NCOA1: variants seen among roughly 807,000 people sequenced by gnomAD.
NCOA1 encodes the protein Hin-2 protein.
Under a neutral mutation model 150.9 loss-of-function variants are expected in NCOA1, and 35 were observed. The ratio of observed to expected loss-of-function variants is 0.23; its 90% CI spans 0.18 to 0.31. The LOEUF is 0.31. Ranked by LOEUF, NCOA1 falls within the 10% of genes least tolerant of loss-of-function variation. The pLI is 1.00. For synonymous variants in NCOA1, 590 were observed against 630.0 expected (o/e 0.94, Z 0.95); for missense variants, 1,491 against 1,749.3 (o/e 0.85, Z 2.63).
At chr2:24,672,684 A>G (rs1313225411) in intron 6 of NCOA1, among the ~76,000 whole-genome samples, 1 of 152,192 alleles carries the variant, frequency 6.6e-6, no homozygotes, top group Non-Finnish European at 1.5e-5. Context: ...GGCTTGGGGC[A>G]CTGCACCCAA....
At chr2:24,678,100 A>T (rs1345788095) in intron 7 of NCOA1, among the ~76,000 whole-genome samples, 1 of 151,876 alleles carries the variant, frequency 6.6e-6, no homozygotes, top group Non-Finnish European at 1.5e-5. Context: ...ATGTGTTCTC[A>T]TTGTTCAGCT....
chr2:24,757,506 AAG>A (rs776267003), intron 20 of NCOA1, among the ~76,000 whole-genome samples: 3 of 152,178 alleles, frequency 2.0e-5, no homozygotes, highest in Non-Finnish European at 4.4e-5. Context: ...TATTAAGTCT[AAG>A]AGGCTCTACA....
At chr2:24,706,219 A>G (rs1035302055) in intron 12 of NCOA1, among the ~76,000 whole-genome samples, 10 of 152,126 alleles carry the variant, frequency 6.6e-5, no homozygotes, top group East Asian at 5.8e-4. Flanking sequence ...TTAATTGTGT[A>G]TATTAGGCTT....
chr2:24,497,261 T>A (rs1663259219), intron 1 of NCOA1, among the ~76,000 whole-genome samples: 1 of 152,208 alleles, frequency 6.6e-6, no homozygotes, highest in Non-Finnish European at 1.5e-5. Flanking sequence ...ATTATACTTT[T>A]TTTTTTTTCT....
intron 3 of NCOA1, among the ~76,000 whole-genome samples, chr2:24,584,920 AT>A (rs1227586370): frequency 6.6e-6 from 1 of 152,210 alleles, no homozygotes; most frequent in African/African-American, 2.4e-5. Context: ...TGATATTGAT[AT>A]TTTACATTGA....
chr2:24,611,033 G>T (rs1258005707), intron 3 of NCOA1, among the ~76,000 whole-genome samples: 1 of 152,114 alleles, frequency 6.6e-6, no homozygotes, highest in Non-Finnish European at 1.5e-5. Flanking sequence ...GAGGTTTGGG[G>T]TGTGAATGAC....
intron 1 of NCOA1, among the ~76,000 whole-genome samples, chr2:24,510,062 T>A (rs530813341): frequency 2.9e-3 from 435 of 152,326 alleles, no homozygotes; most frequent in Non-Finnish European, 4.8e-3. Flanking sequence ...CTGTGCACTT[T>A]TTTTGAGACG....
chr2:24,561,531 G>A lies in NCOA1; in HGVS notation c.-395-2764G>A, dbSNP rs189404662. On this transcript the variant is annotated intron_variant, in intron 1 of 22. Transcript: ENST00000348332. ...AGTTTGGAAAATTGTGAAGGACAAG[G>A]TTTCATGAATCTGGCTCCAGATAGA... Among the ~76,000 whole-genome samples the A allele has an allele frequency of 8.6e-3, 1,306 of 152,274 alleles. 9 individuals carry two copies. The highest frequency in any genetic ancestry group is 0.012 in the Non-Finnish European group (821 of 67,996).
Position 24,707,305 on chromosome 2 carries a change from T to A in NCOA1, c.1835T>A (p.Leu612His). ...SSDGKPLDSG[L>H]LHNNDRLSDG... ...GATGGCAAACCTCTGGATTCAGGGC[T>A]TCTGCATAACAATGACAGACTTTCA... The change falls in exon 13 of 23, where the codon CTT becomes CAT. Residue 612 changes from leucine to histidine, a missense_variant. Around this residue, in one of 8 missense-constraint regions of NCOA1, gnomAD observed 703 missense variants for 717.7 expected, o/e 0.98. Coordinates refer to ENST00000348332, the MANE Select transcript of NCOA1 (RefSeq NM_003743.5). 1 of 1,614,238 alleles carries A rather than the reference T, an allele frequency of 6.2e-7. No individual in the cohort carries two copies. Among genetic ancestry groups the A allele is most frequent in the Non-Finnish European group, 8.5e-7 (1 of 1,180,038 alleles).
chr2:24,745,684 G>A lies in NCOA1; in HGVS notation c.3706+3498G>A, dbSNP rs115181390. The stretch of plus-strand genomic sequence containing the variant: ...TGACTTTATTCTCTATCTCTAAACA[G>A]TATCTCTCAGCTCATATGTACAGCT... On this transcript the variant is annotated intron_variant, in intron 19 of 22. Transcript: ENST00000348332. 7.0e-3 allele frequency among the ~76,000 whole-genome samples: 1,066 copies of A among 152,160 alleles called. 19 individuals carry two copies. The highest frequency in any genetic ancestry group is 0.025 in the African/African-American group (1,019 of 41,514).
intron 3 of NCOA1, among the ~76,000 whole-genome samples, chr2:24,598,920 G>A (rs1558825944): frequency 6.6e-6 from 1 of 152,012 alleles, no homozygotes; most frequent in Non-Finnish European, 1.5e-5. Context: ...ATTTCTTAAA[G>A]ATCTAGTTTT....
At chr2:24,546,057 G>A (rs1665594912) in intron 1 of NCOA1, among the ~76,000 whole-genome samples, 1 of 152,130 alleles carries the variant, frequency 6.6e-6, no homozygotes, top group South Asian at 2.1e-4. Flanking sequence ...CCAAAGTGCT[G>A]TGATTACAGG....
intron 1 of NCOA1, among the ~76,000 whole-genome samples, chr2:24,551,883 C>G (rs1475099694): frequency 2.6e-5 from 4 of 152,028 alleles, no homozygotes; most frequent in Non-Finnish European, 5.9e-5. Context: ...GCCAATTGTT[C>G]CTGCACCATT....
intron 1 of NCOA1, among the ~76,000 whole-genome samples, chr2:24,514,144 C>T (rs1298253250): frequency 5.9e-5 from 9 of 151,526 alleles, no homozygotes; most frequent in East Asian, 1.9e-4. Context: ...AAAAATTAGC[C>T]GGGTGTGGTG....
intron 1 of NCOA1, among the ~76,000 whole-genome samples, chr2:24,563,669 C>T (rs756138826): frequency 5.3e-5 from 8 of 152,140 alleles, no homozygotes; most frequent in Admixed American, 2.0e-4. Context: ...AGGTGGATGC[C>T]ACCAAGCCCA....
At chr2:24,640,167 G>A (rs142059613) in intron 3 of NCOA1, among the ~76,000 whole-genome samples, 22 of 151,762 alleles carry the variant, frequency 1.4e-4, no homozygotes, top group African/African-American at 5.1e-4. Context: ...TAATTCCATA[G>A]TAGTGAGAGA....
intron 5 of NCOA1, among the ~76,000 whole-genome samples, chr2:24,663,829 CCT>C (rs1436718039): frequency 2.0e-5 from 3 of 152,146 alleles, no homozygotes; most frequent in African/African-American, 4.8e-5. Flanking sequence ...TTCTCTATCC[CCT>C]CTCTGTCTGC....
intron 1 of NCOA1, among the ~76,000 whole-genome samples, chr2:24,550,190 C>G (rs1228855799): frequency 6.6e-6 from 1 of 152,190 alleles, no homozygotes; most frequent in Non-Finnish European, 1.5e-5. Context: ...TTCTTCTGAG[C>G]ACTTCAAACC....
intron 1 of NCOA1, among the ~76,000 whole-genome samples, chr2:24,494,658 G>T (rs530855754): frequency 6.6e-6 from 1 of 152,182 alleles, no homozygotes; most frequent in Non-Finnish European, 1.5e-5. Context: ...ATGTTTTGGA[G>T]GGTTCCATTT....
Sources: gnomAD v4.1 joint callset for allele counts (sites outside exome capture counted in the v4.1 genomes callset) on GRCh38, gnomAD v4.1.1 for gene constraint, gnomAD v4.1.1 regional missense constraint, MANE v1.5 for transcripts, NCBI Gene and HGNC (gene_info 2026-07-23, HGNC 2026-07-21) for gene names.